Variants in XDH observed in about 807,000 individuals in gnomAD.
XDH encodes xanthine dehydrogenase.
Under a neutral mutation model 156.1 loss-of-function variants are expected in XDH, and 138 were observed. The observed-to-expected ratio is 0.88, with a 90% CI of 0.77 to 1.02. The LOEUF (loss-of-function observed/expected upper bound fraction) is 1.02, where lower values mean the gene tolerates loss of function less well. XDH is among the 50% of genes least tolerant of loss of function. XDH has a pLI of 0.00. For missense variants in XDH, 1,849 were observed against 1,684.9 expected (o/e 1.10, Z -1.71); for synonymous variants, 669 against 625.7 (o/e 1.07, Z -1.03).
At chr2:31,369,602 T>C (rs189734180) in intron 18 of XDH, among the ~76,000 whole-genome samples, 3 of 152,192 alleles carry the variant, frequency 2.0e-5, no homozygotes, top group Non-Finnish European at 4.4e-5. Flanking sequence ...CTGTTGGTTA[T>C]TGCAATGGTG....
chr2:31,361,158 T>C (rs1685766569), intron 24 of XDH, among the ~76,000 whole-genome samples: 1 of 152,220 alleles, frequency 6.6e-6, no homozygotes. Flanking sequence ...CAGCACAAGA[T>C]TGCTGAATAA....
Position 31,350,204 on chromosome 2 carries a change from A to T in XDH, c.2651T>A (p.Phe884Tyr). The change falls in exon 25 of 36, where the codon TTC becomes TAC. Residue 884 changes from phenylalanine (F) to tyrosine (Y), a missense_variant. By Grantham distance (22) the Phe-to-Tyr change is conservative. Transcript: ENST00000379416. Reference protein sequence around the residue: ...LSQSIMERALFHMDNCYKIPN... With the variant: ...LSQSIMERALYHMDNCYKIPN... Reference sequence around the variant, plus strand: ...GATTTTATAGCAGTTGTCCATGTGGAATAAAGCTCGTTCCATAATCTGAAG... The same window carrying T: ...GATTTTATAGCAGTTGTCCATGTGGTATAAAGCTCGTTCCATAATCTGAAG... 1 of 1,614,124 alleles carries T rather than the reference A, an allele frequency of 6.2e-7. No individual in the cohort carries two copies. The highest frequency in any genetic ancestry group is 8.5e-7 in the Non-Finnish European group (1 of 1,180,030).
intron 24 of XDH, among the ~76,000 whole-genome samples, chr2:31,352,798 A>G (rs1685518628): frequency 6.6e-6 from 1 of 152,146 alleles, no homozygotes; most frequent in Non-Finnish European, 1.5e-5. Context: ...GAAGTTTCCT[A>G]ACTGAGCCAA....
intron 30 of XDH, among the ~76,000 whole-genome samples, chr2:31,345,349 C>T (rs1283075535): frequency 6.6e-6 from 1 of 152,150 alleles, no homozygotes; most frequent in Non-Finnish European, 1.5e-5. Flanking sequence ...ACATGTTCAC[C>T]TTGTGCTTTT....
At chr2:31,364,092 C>A (rs1685845374) in intron 24 of XDH, 66 bp downstream of exon 24, 1 of 1,524,990 alleles carries the variant, frequency 6.6e-7, no homozygotes, top group African/African-American at 1.4e-5. Flanking sequence ...AGGCCTGTGC[C>A]TGCGTGGGAA....
intron 24 of XDH, among the ~76,000 whole-genome samples, chr2:31,361,586 G>C (rs1349848880): frequency 1.3e-5 from 2 of 152,134 alleles, no homozygotes; most frequent in South Asian, 2.1e-4. Flanking sequence ...TCTATCCCAA[G>C]CACCAATAAT....
At chr2:31,341,247 T>C (rs374871411) in intron 33 of XDH, 82 bp downstream of exon 33, 11 of 1,336,774 alleles carry the variant, frequency 8.2e-6, no homozygotes, top group East Asian at 5.0e-5. Context: ...TTGGACAACA[T>C]GTTGTGGCAG....
chr2:31,357,882 T>C (rs2148761895), intron 24 of XDH, among the ~76,000 whole-genome samples: 1 of 152,178 alleles, frequency 6.6e-6, no homozygotes, highest in South Asian at 2.1e-4. Flanking sequence ...CATTTTTAAA[T>C]GAATGTCTCA....
chr2:31,394,754 G>C (rs1686858201), intron 6 of XDH, among the ~76,000 whole-genome samples: 1 of 151,214 alleles, frequency 6.6e-6, no homozygotes, highest in Non-Finnish European at 1.5e-5. Context: ...CTGTTTTTTG[G>C]TTTTGAAAGT....
chr2:31,356,431 G>A (rs557006025), intron 24 of XDH, among the ~76,000 whole-genome samples: 1 of 152,156 alleles, frequency 6.6e-6, no homozygotes, highest in Non-Finnish European at 1.5e-5. Context: ...TGAACCATTG[G>A]AGTGGATCCT....
intron 9 of XDH, among the ~76,000 whole-genome samples, chr2:31,384,985 T>A (rs1405098127): frequency 2.0e-5 from 3 of 152,192 alleles, no homozygotes; most frequent in Non-Finnish European, 4.4e-5. Flanking sequence ...CATTTCTAAT[T>A]GTGGAACTTA....
At chr2:31,390,534 G>A (rs1558309662) in intron 6 of XDH, among the ~76,000 whole-genome samples, 2 of 152,312 alleles carry the variant, frequency 1.3e-5, no homozygotes, top group Non-Finnish European at 2.9e-5. Flanking sequence ...TCCAAGGTGT[G>A]TGATCACTGA....
In XDH at chr2:31,337,635, T is replaced by C. The variant is rs758776138; in HGVS notation, c.3951+6A>G. The C allele has an allele frequency of 7.4e-6, 12 of 1,613,770 alleles. No individual in the cohort carries two copies. The highest frequency in any genetic ancestry group is 1.0e-5 in the Non-Finnish European group (12 of 1,180,030). On this transcript the variant is annotated splice_donor_region_variant and intron_variant, in intron 35 of 35. Transcript: ENST00000379416. Reference sequence around the variant, plus strand: ...GGACTGAGTGGATGCTTGAGGGGCATCATACCAGGGTGGTGAACTTGTCCA... The same window carrying C: ...GGACTGAGTGGATGCTTGAGGGGCACCATACCAGGGTGGTGAACTTGTCCA...
intron 3 of XDH, 68 bp from the exon 4 acceptor site, chr2:31,401,396 A>T: frequency 1.3e-6 from 2 of 1,537,206 alleles, no homozygotes; most frequent in Middle Eastern, 3.4e-4. Flanking sequence ...CCTGACTGTG[A>T]GCTCTGGAGG....
At chr2:31,414,494 A>G (rs2148017401) in intron 1 of XDH, 131 bp downstream of exon 1, 2 of 1,352,322 alleles carry the variant, frequency 1.5e-6, no homozygotes, top group Non-Finnish European at 2.1e-6. Context: ...ACACCTTTAA[A>G]GCGAGAGAGA....
In XDH at chr2:31,335,388, C is replaced by G. The variant is rs117803955; in HGVS notation, c.*570G>C. The G allele has an allele frequency of 5.7e-4, 92 of 161,862 alleles. 1 individual carries two copies. In the East Asian group the frequency reaches 0.014, roughly 24 times the overall value. 10.0% of individuals were successfully genotyped at this position (161,862 alleles called of 1,614,324 possible). A position where few individuals can be genotyped will look rare whatever the true frequency, so the allele number is the denominator to read the frequency against. On this transcript the variant is annotated 3_prime_UTR_variant, in exon 36 of 36. Transcript: ENST00000379416. ...TTTATGCAGCTTCACAAAATCAGAT[C>G]CAATTAACCTTGAATTTGTTTCATT...
chr2:31,350,258 T>A, intron 24 of XDH, 35 bp from the exon 25 acceptor site: 1 of 1,611,858 alleles, frequency 6.2e-7, no homozygotes, highest in Non-Finnish European at 8.5e-7. Context: ...GAGAGAACAG[T>A]GTACTGATTG....
intron 12 of XDH, among the ~76,000 whole-genome samples, chr2:31,380,729 A>T (rs1226050330): frequency 2.6e-5 from 4 of 152,202 alleles, no homozygotes; most frequent in African/African-American, 4.8e-5. Flanking sequence ...CTCCTGCTAT[A>T]ATAAGTCATA....
intron 6 of XDH, 94 bp from the exon 7 acceptor site, chr2:31,388,389 C>T: frequency 1.5e-6 from 2 of 1,378,588 alleles, no homozygotes; most frequent in Non-Finnish European, 1.0e-6. Flanking sequence ...AACACTCCAG[C>T]TCTGACGCCT....
Sources: allele counts gnomAD v4.1 joint callset (sites outside exome capture counted in the v4.1 genomes callset), GRCh38; gene constraint gnomAD v4.1.1; transcripts MANE v1.5; gene names NCBI Gene and HGNC (gene_info 2026-07-23, HGNC 2026-07-21).